The following CBFA2T2 variants were observed in gnomAD, a reference collection of about 807,000 sequenced individuals.
CBFA2T2 encodes CBFA2/RUNX1 partner transcriptional co-repressor 2, also known as protein CBFA2T2.
A neutral mutation model predicts 62.2 loss-of-function variants in CBFA2T2; 11 were observed. The observed-to-expected ratio is 0.18, with a 90% confidence interval of 0.11 to 0.29. The LOEUF (loss-of-function observed/expected upper bound fraction) is 0.29, where lower values mean the gene tolerates loss of function less well. Ranked by LOEUF, CBFA2T2 falls within the 10% of genes least tolerant of loss-of-function variation. The pLI is 1.00. For synonymous variants in CBFA2T2, 295 were observed against 287.5 expected, an observed-to-expected ratio of 1.03 and a Z score of -0.27; for missense variants, 592 against 774.1, an observed-to-expected ratio of 0.76 and a Z score of 2.79.
At chr20:33,620,472 C>T (rs1255004779) in intron 4 of CBFA2T2, among the ~76,000 whole-genome samples, 1 of 151,704 alleles carries the variant, frequency 6.6e-6, no homozygotes, top group Non-Finnish European at 1.5e-5. Context: ...TGCCACTGCA[C>T]CCCAGCCTGG....
At chr20:33,510,330 C>A (rs1419725844) in intron 1 of CBFA2T2, among the ~76,000 whole-genome samples, 4 of 151,850 alleles carry the variant, frequency 2.6e-5, no homozygotes, top group Non-Finnish European at 5.9e-5. Context: ...CCTGCCTCAG[C>A]CTCCCGAGTA....
chr20:33,575,415 T>G (rs988792315), intron 1 of CBFA2T2, among the ~76,000 whole-genome samples: 31 of 152,252 alleles, frequency 2.0e-4, no homozygotes, highest in Non-Finnish European at 4.4e-5. Context: ...TATTAAGTTC[T>G]GATTGGCTGT....
In CBFA2T2 at chr20:33,515,350, CAAAAAAAA is replaced by C. The variant is rs11371940; in HGVS notation, c.34+25063_34+25070del. ...TGGGTGACAAAGCAAGACTCCATCT[CAAAAAAAA>C]AAAAAAAAAAAAAGTGTGGCACTGC... is the stretch of plus-strand genomic sequence containing the variant. On this transcript the variant is annotated intron_variant, in intron 1 of 10. Coordinates refer to ENST00000342704, the MANE Select transcript of CBFA2T2 (RefSeq NM_001032999.3). Among the ~76,000 whole-genome samples the C allele has an allele frequency of 3.7e-5, 3 of 82,022 alleles. No individual in the cohort carries two copies. The Admixed American group carries it at 4.1e-4, about 11-fold the overall frequency. The allele number at this position is 82,022 out of a possible 152,430, so 53.8% of individuals were successfully genotyped here. A position where few individuals can be genotyped will look rare whatever the true frequency, so the allele number is the denominator to read the frequency against.
At chr20:33,492,082 A>G (rs1020073845) in intron 1 of CBFA2T2, among the ~76,000 whole-genome samples, 1 of 151,878 alleles carries the variant, frequency 6.6e-6, no homozygotes, top group African/African-American at 2.4e-5. Flanking sequence ...CGGTTTTACC[A>G]TGTTGGCCAG....
At chr20:33,526,637 A>G (rs1029811446) in intron 1 of CBFA2T2, among the ~76,000 whole-genome samples, 23 of 152,188 alleles carry the variant, frequency 1.5e-4, no homozygotes, top group Non-Finnish European at 2.8e-4. Context: ...AAAGTTTGTC[A>G]AACACCCAAA....
intron 1 of CBFA2T2, among the ~76,000 whole-genome samples, chr20:33,603,130 A>T (rs2015200799): frequency 1.3e-5 from 2 of 152,200 alleles, no homozygotes; most frequent in African/African-American, 4.8e-5. Flanking sequence ...AACCGTGGAA[A>T]CTGAAACTGC....
chr20:33,610,186 A>G (rs2015472622), intron 2 of CBFA2T2, among the ~76,000 whole-genome samples: 1 of 152,170 alleles, frequency 6.6e-6, no homozygotes, highest in African/African-American at 2.4e-5. Flanking sequence ...GCTACTCAGG[A>G]GGCTGAGGTG....
intron 6 of CBFA2T2, among the ~76,000 whole-genome samples, chr20:33,627,784 C>G (rs1000424424): frequency 4.6e-5 from 7 of 152,132 alleles, no homozygotes; most frequent in African/African-American, 1.4e-4. Context: ...GTTAATGACT[C>G]AAAGACTAAG....
chr20:33,595,862 CTTTA>C (rs1363806487), intron 1 of CBFA2T2, among the ~76,000 whole-genome samples: 3 of 152,142 alleles, frequency 2.0e-5, no homozygotes, highest in Non-Finnish European at 4.4e-5. Flanking sequence ...TAATCTGTTA[CTTTA>C]TTTGCCTTTT....
At chr20:33,525,610 A>G (rs938200379) in intron 1 of CBFA2T2, among the ~76,000 whole-genome samples, 1 of 152,142 alleles carries the variant, frequency 6.6e-6, no homozygotes, top group African/African-American at 2.4e-5. Flanking sequence ...CATACCCATT[A>G]ACAATTACTG....
intron 1 of CBFA2T2, among the ~76,000 whole-genome samples, chr20:33,577,706 G>C (rs79450408): frequency 1.3e-5 from 2 of 152,104 alleles, no homozygotes; most frequent in Non-Finnish European, 2.9e-5. Context: ...TTTTGCTATA[G>C]TATGGTCTCT....
chr20:33,513,161 A>G (rs1024811080), intron 1 of CBFA2T2, among the ~76,000 whole-genome samples: 1 of 152,054 alleles, frequency 6.6e-6, no homozygotes, highest in African/African-American at 2.4e-5. Flanking sequence ...AGTTTTCCAG[A>G]GTTGTTCTAT....
At chr20:33,514,202 C>CTTT (rs1226244848) in intron 1 of CBFA2T2, among the ~76,000 whole-genome samples, 3 of 80,272 alleles carry the variant, frequency 3.7e-5, no homozygotes, top group Admixed American at 1.4e-4. Flanking sequence ...CGTGCCCTGC[C>CTTT]TTTGTTTTTT....
chr20:33,490,546 G>C (rs1435823218), intron 1 of CBFA2T2, among the ~76,000 whole-genome samples: 1 of 152,198 alleles, frequency 6.6e-6, no homozygotes, highest in Non-Finnish European at 1.5e-5. Context: ...GGGGCCCGCG[G>C]CCTCGGAACT....
intron 1 of CBFA2T2, among the ~76,000 whole-genome samples, chr20:33,505,192 T>C (rs1420613006): frequency 6.6e-6 from 1 of 152,164 alleles, no homozygotes; most frequent in East Asian, 1.9e-4. Context: ...TGAGGGGACA[T>C]TCTGTCTCTC....
Position 33,642,369 on chromosome 20 carries a change from A to G in CBFA2T2, c.1488+1838A>G, listed in dbSNP as rs532581309. Among the ~76,000 whole-genome samples the G allele has an allele frequency of 8.5e-5, 13 of 152,256 alleles. No individual in the cohort carries two copies. The South Asian group carries it at 2.1e-3, about 24-fold the overall frequency. ...GTAATCTCAGCACTTTGGGAGGCCA[A>G]GGTAGTGTGAACACTTGAGCTCAGG... On this transcript the variant is annotated intron_variant, in intron 10 of 10. Coordinates refer to ENST00000342704, the MANE Select transcript of CBFA2T2 (RefSeq NM_001032999.3).
intron 1 of CBFA2T2, among the ~76,000 whole-genome samples, chr20:33,540,990 T>A (rs1568808629): frequency 6.6e-6 from 1 of 152,028 alleles, no homozygotes; most frequent in Non-Finnish European, 1.5e-5. Flanking sequence ...CTCTAATAAG[T>A]TAATAAAGTA....
chr20:33,636,037 G>T (rs535829347), intron 8 of CBFA2T2, among the ~76,000 whole-genome samples: 1 of 151,892 alleles, frequency 6.6e-6, no homozygotes, highest in Non-Finnish European at 1.5e-5. Context: ...TCCGAAACAC[G>T]TAGAAATTTT....
At chr20:33,542,674 T>C (rs2012437484) in intron 1 of CBFA2T2, among the ~76,000 whole-genome samples, 2 of 152,140 alleles carry the variant, frequency 1.3e-5, no homozygotes, top group African/African-American at 4.8e-5. Flanking sequence ...TACTAAGTCT[T>C]TTTTTGGGGG....
Sources: gnomAD v4.1 joint callset for allele counts (sites outside exome capture counted in the v4.1 genomes callset) on GRCh38, gnomAD v4.1.1 for gene constraint, MANE v1.5 for transcripts, NCBI Gene and HGNC (gene_info 2026-07-23, HGNC 2026-07-21) for gene names.